Variants in ENDOV observed in about 807,000 individuals in gnomAD.
ENDOV encodes endonuclease V, also known as hEndoV.
A neutral mutation model predicts 39.4 loss-of-function variants in ENDOV; 37 were observed. The observed-to-expected ratio is 0.94, with a 90% CI of 0.72 to 1.23. The LOEUF (loss-of-function observed/expected upper bound fraction) is 1.23. ENDOV is among the 50% of genes most tolerant of loss of function. ENDOV has a pLI of 0.00. For synonymous variants in ENDOV, 186 were observed against 163.4 expected, an observed-to-expected ratio of 1.14 and a Z score of -1.05; for missense variants, 441 against 375.7, an observed-to-expected ratio of 1.17 and a Z score of -1.44.
intron 7 of ENDOV, among the ~76,000 whole-genome samples, chr17:80,426,306 G>A (rs959446582): frequency 4.6e-5 from 7 of 152,208 alleles, no homozygotes; most frequent in Non-Finnish European, 1.0e-4. Flanking sequence ...GAAGAGACCC[G>A]CTGGAGGAAG....
In ENDOV at chr17:80,415,759, G is replaced by T; in HGVS notation, c.166G>T (p.Val56Leu). 6.2e-7 allele frequency: 1 copy of T among 1,605,858 alleles called. No individual in the cohort carries two copies. Residue 56 changes from valine to leucine, a missense_variant, in exon 2 of 10, where the codon GTG becomes TTG. Val to Leu is a conservative substitution (Grantham distance 32, BLOSUM62 1). Transcript: ENST00000518137. Reference sequence around the variant, plus strand: ...GGTCGGGGGCGTTGACGTGTCCTTCGTGAAAGGGGACAGTGTCCGCGCTTG... The same window carrying T: ...GGTCGGGGGCGTTGACGTGTCCTTCTTGAAAGGGGACAGTGTCCGCGCTTG... ...QRVGGVDVSF[V>L]KGDSVRACAS...
In ENDOV at chr17:80,436,400, G is replaced by A. The variant is rs1043285027; in HGVS notation, c.*257G>A. 4 of 1,397,866 alleles carry A rather than the reference G, an allele frequency of 2.9e-6. No homozygotes were observed. The highest frequency in any genetic ancestry group is 2.7e-4 in the Middle Eastern group (1 of 3,714). The allele number at this position is 1,397,866 out of a possible 1,614,324, so 86.6% of individuals were successfully genotyped here. A position where few individuals can be genotyped will look rare whatever the true frequency, so the allele number is the denominator to read the frequency against. On this transcript the variant is annotated 3_prime_UTR_variant, in exon 10 of 10. Transcript: ENST00000518137. ...TCTTTCACCACTAGATGTGATGTGA[G>A]CTGTTAGATTTTCAAGGATGCTCTT...
intron 7 of ENDOV, among the ~76,000 whole-genome samples, chr17:80,428,119 G>T (rs111838963): frequency 4.8e-4 from 73 of 152,328 alleles, no homozygotes; most frequent in African/African-American, 1.6e-3. Flanking sequence ...TTTTATCTTG[G>T]TGATTCTGGA....
At position 80,419,418 on chromosome 17, in the gene ENDOV, C is replaced by G. The variant is rs1418783912; in HGVS notation, c.229-2410C>G. ...GAGCCATGGCTGGTGTGTGCTGCTC[C>G]GCAGGCCTCTGGCGGAGCCCATTCC... On this transcript the variant is annotated intron_variant, in intron 2 of 9. Coordinates refer to ENST00000518137, the MANE Select transcript of ENDOV (RefSeq NM_173627.5). The G allele has an allele frequency of 9.8e-6, 6 of 610,046 alleles. No individual in the cohort carries two copies. In the South Asian group the frequency reaches 1.1e-4, roughly 12 times the overall value. The allele number at this position is 610,046 out of a possible 1,614,324, so 37.8% of individuals were successfully genotyped here. A position where few individuals can be genotyped will look rare whatever the true frequency, so the allele number is the denominator to read the frequency against.
intron 2 of ENDOV, chr17:80,418,091 A>G (rs2081442731): frequency 6.6e-6 from 1 of 152,160 alleles, no homozygotes; most frequent in Admixed American, 6.5e-5. Context: ...TCCCCTGGCC[A>G]TTGTGTAGGC....
chr17:80,427,084 A>G (rs1337745468), intron 7 of ENDOV, among the ~76,000 whole-genome samples: 1 of 152,306 alleles, frequency 6.6e-6, no homozygotes, highest in Non-Finnish European at 1.5e-5. Flanking sequence ...ACATACCACA[A>G]TGGCCCTCGC....
chr17:80,422,290 G>T (rs551159476), intron 4 of ENDOV, 45 bp downstream of exon 4: 7 of 1,600,872 alleles, frequency 4.4e-6, no homozygotes, highest in Non-Finnish European at 6.0e-6. Context: ...GTGGGGAAGA[G>T]CGGGGGGAGA....
chr17:80,415,331 A>G lies in ENDOV; in HGVS notation c.56+81A>G, dbSNP rs866227881. 4.5e-5 allele frequency: 69 copies of G among 1,522,232 alleles called. No homozygotes were observed. In the Middle Eastern group the frequency reaches 8.6e-4, roughly 19 times the overall value. 94.3% of individuals were successfully genotyped at this position (1,522,232 alleles called of 1,614,324 possible). A position where few individuals can be genotyped will look rare whatever the true frequency, so the allele number is the denominator to read the frequency against. On this transcript the variant is annotated intron_variant, in intron 1 of 9. Transcript: ENST00000518137. ...CGGACCCTCCGAGCTCATAGTCTTC[A>G]GGCTGTGGAATCGGAGCTGCCACCG...
chr17:80,436,000 C>A, intron 9 of ENDOV, 133 bp from the exon 10 acceptor site: 1 of 972,146 alleles, frequency 1.0e-6, no homozygotes, highest in Non-Finnish European at 1.6e-6. Context: ...AGCTTTCCTC[C>A]CACCTCGGCC....
chr17:80,425,204 A>C (rs4076133), intron 6 of ENDOV, 104 bp downstream of exon 6: 110,434 of 1,019,652 alleles, frequency 0.11, 8,245 homozygotes, highest in African/African-American at 0.33. Flanking sequence ...ACTTGCCCAC[A>C]TCAACCCCCC....
chr17:80,422,235 C>G lies in ENDOV; in HGVS notation c.393C>G (p.Leu131=), dbSNP rs2082134720. The change falls in exon 4 of 10, where the codon CTC becomes CTG. Residue 131 remains leucine (L), a synonymous_variant. Transcript: ENST00000518137. The part of the protein sequence containing the change: ...QVLLVDGNGV[L]HHRGFGVACH... ...TTCTTGTGGATGGAAACGGGGTACTCCACCACCGAGGTAATCCTGCTCTTG... is the reference window on the plus strand; with the variant it reads ...TTCTTGTGGATGGAAACGGGGTACTGCACCACCGAGGTAATCCTGCTCTTG... 6.2e-7 allele frequency: 1 copy of G among 1,613,740 alleles called. No individual in the cohort carries two copies. The highest frequency in any genetic ancestry group is 1.1e-5 in the South Asian group (1 of 91,034).
intron 9 of ENDOV, chr17:80,430,498 C>T (rs1599462042): frequency 8.4e-6 from 6 of 712,844 alleles, no homozygotes; most frequent in South Asian, 7.1e-5. Flanking sequence ...TGCCCTGACA[C>T]GGGAGGGGTC....
chr17:80,427,840 T>A lies in ENDOV; in HGVS notation c.715-756T>A. 4 of 1,282,074 alleles carry A rather than the reference T, an allele frequency of 3.1e-6. No homozygotes were observed. In the South Asian group the frequency reaches 5.0e-5, roughly 16 times the overall value. 79.4% of individuals were successfully genotyped at this position (1,282,074 alleles called of 1,614,324 possible). A position where few individuals can be genotyped will look rare whatever the true frequency, so the allele number is the denominator to read the frequency against. ...CTCCTGCCAGGCCAGGCTGGGCCGCTCCAGGGGAAGGTGAGAGGTGCTGGC... is the reference window on the plus strand; with the variant it reads ...CTCCTGCCAGGCCAGGCTGGGCCGCACCAGGGGAAGGTGAGAGGTGCTGGC... On this transcript the variant is annotated intron_variant, in intron 7 of 9. Coordinates refer to ENST00000518137, the MANE Select transcript of ENDOV (RefSeq NM_173627.5).
rs762469140 is a variant in ENDOV at position 80,422,175 on chromosome 17, GCTGA to G, written c.364-27_364-24del. The G allele has an allele frequency of 3.5e-5, 57 of 1,613,384 alleles. No individual in the cohort carries two copies. The East Asian group carries it at 1.2e-3, about 34-fold the overall frequency. On this transcript the variant is annotated intron_variant, in intron 3 of 9. Coordinates refer to ENST00000518137, the MANE Select transcript of ENDOV (RefSeq NM_173627.5). ...GTCCTGAGGGCCGAGGGGCAGCTCA[GCTGA>G]CTGTGACTCTCCCTGTGGCTCCATA...
intron 6 of ENDOV, 75 bp from the exon 7 acceptor site, chr17:80,425,417 C>T: frequency 2.0e-6 from 3 of 1,516,752 alleles, no homozygotes; most frequent in Non-Finnish European, 2.6e-6. Flanking sequence ...TGTCAGAGCT[C>T]CAGCTGCTGA....
Position 80,427,434 on chromosome 17 carries a change from C to T in ENDOV, c.715-1162C>T, listed in dbSNP as rs536209097. ...GGAGGGGACACCTGGCCTGTGAGTA[C>T]CTTAAGCATCTAGAAATAGAGCAAG... On this transcript the variant is annotated intron_variant, in intron 7 of 9. Coordinates refer to ENST00000518137, the MANE Select transcript of ENDOV (RefSeq NM_173627.5). 14 of 985,420 alleles carry T rather than the reference C, an allele frequency of 1.4e-5. No homozygotes were observed. In the Admixed American group the frequency reaches 3.1e-4, roughly 22 times the overall value. The allele number at this position is 985,420 out of a possible 1,614,324, so 61.0% of individuals were successfully genotyped here.
intron 5 of ENDOV, chr17:80,424,090 C>G: frequency 5.1e-6 from 2 of 388,480 alleles, no homozygotes; most frequent in Non-Finnish European, 9.1e-6. Flanking sequence ...TCCTACCTCA[C>G]CTTCCCCTGC....
rs773575315 is a variant in ENDOV at position 80,415,214 on chromosome 17, G to A, written c.20G>A (p.Gly7Glu). Residue 7 changes from glycine to glutamate, a missense_variant, in exon 1 of 10, where the codon GGA becomes GAA. Coordinates refer to ENST00000518137, the MANE Select transcript of ENDOV (RefSeq NM_173627.5). ...GAAGCCATGGCCCTGGAGGCGGCGG[G>A]AGGGCCGCCGGAGGAAACGCTGTCA... MALEAA[G>E]GPPEETLSLW... The A allele has an allele frequency of 1.7e-5, 27 of 1,613,252 alleles. No individual in the cohort carries two copies. Among genetic ancestry groups the A allele is most frequent in the Non-Finnish European group, 2.2e-5 (26 of 1,179,726 alleles).
At chr17:80,424,046 G>A in intron 5 of ENDOV, 1 of 226,910 alleles carries the variant, frequency 4.4e-6, no homozygotes, top group Non-Finnish European at 8.3e-6. Flanking sequence ...CCCCCCTCCC[G>A]CCAAGACCTG....
Sources: gnomAD v4.1 joint callset for allele counts (sites outside exome capture counted in the v4.1 genomes callset) on GRCh38, gnomAD v4.1.1 for gene constraint, MANE v1.5 for transcripts, NCBI Gene and HGNC (gene_info 2026-07-23, HGNC 2026-07-21) for gene names.